ELOVL2: variants seen among roughly 807,000 people sequenced by gnomAD.
The protein encoded by ELOVL2 is ELOVL fatty acid elongase 2.
Under a neutral mutation model 37.7 loss-of-function variants are expected in ELOVL2, and 38 were observed. The observed-to-expected ratio is 1.01, with a 90% confidence interval of 0.78 to 1.32. The LOEUF (loss-of-function observed/expected upper bound fraction) is 1.32. ELOVL2 is among the 40% of genes most tolerant of loss of function. ELOVL2 has a pLI of 0.00. For missense variants in ELOVL2, 352 were observed against 363.6 expected (o/e 0.97, Z 0.26); for synonymous variants, 115 against 122.3 (o/e 0.94, Z 0.40).
At position 10,983,504 on chromosome 6, in the gene ELOVL2, G is replaced by C; in HGVS notation, c.*277C>G. On this transcript the variant is annotated 3_prime_UTR_variant, in exon 8 of 8. Transcript: ENST00000354666. ...GTGTATGCGTATAAGGCGTTATAAGGACAGCTTCTGGCGAAAGGTTCAGTC... is the reference window on the plus strand; with the variant it reads ...GTGTATGCGTATAAGGCGTTATAAGCACAGCTTCTGGCGAAAGGTTCAGTC... The C allele has an allele frequency of 3.8e-6, 1 of 265,756 alleles. No homozygotes were observed. The highest frequency in any genetic ancestry group is 7.5e-5 in the East Asian group (1 of 13,290). 16.5% of individuals were successfully genotyped at this position (265,756 alleles called of 1,614,324 possible). A position where few individuals can be genotyped will look rare whatever the true frequency, so the allele number is the denominator to read the frequency against.
chr6:11,025,906 T>C (rs554733437), intron 1 of ELOVL2, among the ~76,000 whole-genome samples: 33 of 152,378 alleles, frequency 2.2e-4, no homozygotes, highest in Non-Finnish European at 3.7e-4. Flanking sequence ...TTAACTGCTG[T>C]AATGAATGCA....
chr6:11,020,529 T>C (rs1201184388), intron 1 of ELOVL2, among the ~76,000 whole-genome samples: 1 of 152,214 alleles, frequency 6.6e-6, no homozygotes, highest in Non-Finnish European at 1.5e-5. Context: ...TATGGGTCTT[T>C]CCCAGATGCT....
chr6:10,997,603 T>C (rs974409826), intron 4 of ELOVL2, among the ~76,000 whole-genome samples: 1 of 152,224 alleles, frequency 6.6e-6, no homozygotes, highest in African/African-American at 2.4e-5. Context: ...GAATTTCTAA[T>C]ATTATAGGTT....
Position 10,983,495 on chromosome 6 carries a change from C to G in ELOVL2, c.*286G>C. On this transcript the variant is annotated 3_prime_UTR_variant, in exon 8 of 8. Transcript: ENST00000354666. ...TTCCTGGCTGTGTATGCGTATAAGG[C>G]GTTATAAGGACAGCTTCTGGCGAAA... The G allele has an allele frequency of 4.0e-6, 1 of 247,740 alleles. No homozygotes were observed. Among genetic ancestry groups the G allele is most frequent in the East Asian group, 8.6e-5 (1 of 11,668 alleles). 15.3% of individuals were successfully genotyped at this position (247,740 alleles called of 1,614,324 possible). A position where few individuals can be genotyped will look rare whatever the true frequency, so the allele number is the denominator to read the frequency against.
At chr6:11,021,029 T>C (rs1406972860) in intron 1 of ELOVL2, among the ~76,000 whole-genome samples, 1 of 152,244 alleles carries the variant, frequency 6.6e-6, no homozygotes, top group Non-Finnish European at 1.5e-5. Flanking sequence ...AGCATTCTTA[T>C]CTGACTTAAA....
rs1287573042 is a variant in ELOVL2 at position 10,984,809 on chromosome 6, T to C, written c.766-903A>G. On this transcript the variant is annotated intron_variant, in intron 7 of 7. Transcript: ENST00000354666. ...AAGTCTTTGCTATTGTGAATAGTGC[T>C]GCAGTAAACATACGTGTGCATGTGT... is the stretch of plus-strand genomic sequence containing the variant. 3.3e-5 allele frequency among the ~76,000 whole-genome samples: 5 copies of C among 152,164 alleles called. No individual in the cohort carries two copies. The South Asian group carries it at 1.0e-3, about 32-fold the overall frequency.
rs906661335 is a variant in ELOVL2 at position 11,013,713 on chromosome 6, C to T, written c.4-2904G>A. On this transcript the variant is annotated intron_variant, in intron 1 of 7. Coordinates refer to ENST00000354666, the MANE Select transcript of ELOVL2 (RefSeq NM_017770.4). The stretch of plus-strand genomic sequence containing the variant: ...ACTGCCACACGACAGAAGATACAGG[C>T]GTGCGGATGCAGGATGGGTTTTTCA... Among the ~76,000 whole-genome samples, 13 of 151,832 alleles carry T rather than the reference C, an allele frequency of 8.6e-5. No individual in the cohort carries two copies. In the South Asian group the frequency reaches 1.3e-3, roughly 15 times the overall value.
chr6:10,990,501 T>C (rs1782136385), intron 5 of ELOVL2, 59 bp from the exon 6 acceptor site: 1 of 1,485,888 alleles, frequency 6.7e-7, no homozygotes, highest in Non-Finnish European at 9.0e-7. Flanking sequence ...CATTCTTCTT[T>C]GTCAAGTGAG....
In ELOVL2 at chr6:10,983,662, T is replaced by A; in HGVS notation, c.*119A>T. On this transcript the variant is annotated 3_prime_UTR_variant, in exon 8 of 8. Transcript: ENST00000354666. ...TATATTAATACATTCTGGGTACAAA[T>A]GATTTATGAACTCAAAAGAAATTAG... 9.0e-7 allele frequency: 1 copy of A among 1,115,036 alleles called. No homozygotes were observed. Among genetic ancestry groups the A allele is most frequent in the South Asian group, 1.7e-5 (1 of 58,334 alleles). The allele number at this position is 1,115,036 out of a possible 1,614,324, so 69.1% of individuals were successfully genotyped here. A position where few individuals can be genotyped will look rare whatever the true frequency, so the allele number is the denominator to read the frequency against.
Position 10,995,133 on chromosome 6 carries a change from A to T in ELOVL2, c.379T>A (p.Phe127Ile), listed in dbSNP as rs1261375497. Residue 127 changes from phenylalanine (F) to isoleucine (I), a missense_variant, in exon 5 of 8, where the codon TTC (phenylalanine) becomes ATC (isoleucine). Phe to Ile is a conservative substitution (Grantham distance 21, BLOSUM62 0). Coordinates refer to ENST00000354666, the MANE Select transcript of ELOVL2 (RefSeq NM_017770.4). ...AAAACGAAGAAAATTGTGTCCAGGA[A>T]CTCTACTGATTTGGAGAAATAGTAC... ...WWYYFSKSVE[F>I]LDTIFFVLRK... The T allele has an allele frequency of 6.2e-7, 1 of 1,613,264 alleles. No homozygotes were observed. The highest frequency in any genetic ancestry group is 8.5e-7 in the Non-Finnish European group (1 of 1,179,634).
At chr6:10,999,230 C>T (rs1006404924) in intron 4 of ELOVL2, among the ~76,000 whole-genome samples, 17 of 152,250 alleles carry the variant, frequency 1.1e-4, no homozygotes, top group African/African-American at 4.1e-4. Flanking sequence ...TAGGGGGCGG[C>T]TGCCTTGCTT....
Position 10,982,624 on chromosome 6 carries a change from C to G in ELOVL2, c.*1157G>C, listed in dbSNP as rs922611425. The G allele has an allele frequency of 6.6e-6, 1 of 152,134 alleles. No homozygotes were observed. The highest frequency in any genetic ancestry group is 1.9e-4 in the East Asian group (1 of 5,200). The allele number at this position is 152,134 out of a possible 1,614,324, so 9.4% of individuals were successfully genotyped here. Reference sequence around the variant, plus strand: ...TTTGTGCTTGCTTCTCGGTAGAGATCGCATATACCTGAGCAGGGAACAGGA... The same window carrying G: ...TTTGTGCTTGCTTCTCGGTAGAGATGGCATATACCTGAGCAGGGAACAGGA... On this transcript the variant is annotated 3_prime_UTR_variant, in exon 8 of 8. Transcript: ENST00000354666.
At chr6:11,031,605 T>G (rs1332713490) in intron 1 of ELOVL2, among the ~76,000 whole-genome samples, 1 of 152,224 alleles carries the variant, frequency 6.6e-6, no homozygotes, top group African/African-American at 2.4e-5. Context: ...GCTAATCTTT[T>G]GTTATATACA....
intron 1 of ELOVL2, among the ~76,000 whole-genome samples, chr6:11,038,407 G>A (rs751819722): frequency 3.3e-5 from 5 of 152,038 alleles, no homozygotes; most frequent in Non-Finnish European, 5.9e-5. Flanking sequence ...CTTGAACCCT[G>A]GAGTCAGAGG....
chr6:10,996,108 GT>G (rs1561715619), intron 4 of ELOVL2, among the ~76,000 whole-genome samples: 3 of 146,388 alleles, frequency 2.0e-5, no homozygotes, highest in South Asian at 4.8e-4. Flanking sequence ...AAGGCACTGT[GT>G]TTTTACCACT....
rs189899037 is a variant in ELOVL2, at chr6:11,018,228, G to C, written c.4-7419C>G. Among the ~76,000 whole-genome samples the C allele has an allele frequency of 2.8e-3, 430 of 152,166 alleles. 1 individual carries two copies. The highest frequency in any genetic ancestry group is 4.6e-3 in the Non-Finnish European group (314 of 67,990). On this transcript the variant is annotated intron_variant, in intron 1 of 7. Transcript: ENST00000354666. ...GTCTATGATACATTACGGGATCTTA[G>C]TGATCTTATTTTTTTCTATAACTTA...
rs527755301 is a variant in ELOVL2, at chr6:11,038,978, G to C, written c.3+5250C>G. ...GATCAGGTGTGGTACATATCCAACT[G>C]TGTGTGTGAATATGGTGTGTGACAT... On this transcript the variant is annotated intron_variant, in intron 1 of 7. Coordinates refer to ENST00000354666, the MANE Select transcript of ELOVL2 (RefSeq NM_017770.4). Among the ~76,000 whole-genome samples, 12 of 152,090 alleles carry C rather than the reference G, an allele frequency of 7.9e-5. No homozygotes were observed. The East Asian group carries it at 2.3e-3, about 29-fold the overall frequency.
intron 4 of ELOVL2, among the ~76,000 whole-genome samples, chr6:10,998,788 A>T (rs1203090193): frequency 6.6e-6 from 1 of 152,186 alleles, no homozygotes; most frequent in African/African-American, 2.4e-5. Context: ...TAGAGAGCAC[A>T]ATCTAGGTAA....
chr6:10,984,495 A>T (rs1484010750), intron 7 of ELOVL2, among the ~76,000 whole-genome samples: 4 of 141,288 alleles, frequency 2.8e-5, no homozygotes, highest in South Asian at 2.4e-4. Flanking sequence ...TATCTCCTAA[A>T]GCTATCCCTC....
Sources: allele counts gnomAD v4.1 joint callset (sites outside exome capture counted in the v4.1 genomes callset), GRCh38; gene constraint gnomAD v4.1.1; transcripts MANE v1.5; gene names NCBI Gene and HGNC (gene_info 2026-07-23, HGNC 2026-07-21).